Variants in MACF1 observed in about 807,000 individuals in gnomAD.
MACF1 encodes the protein microtubule actin crosslinking factor 1, also known as microtubule-actin cross-linking factor 1.
MACF1 carries 193 observed loss-of-function variants against 854.8 expected under a neutral mutation model. The observed-to-expected ratio is 0.23, with a 90% CI of 0.20 to 0.25. The LOEUF is 0.25. MACF1 is among the 10% of genes least tolerant of loss of function. MACF1 has a pLI of 1.00. For synonymous variants in MACF1, 3,185 were observed against 3,226.7 expected, an observed-to-expected ratio of 0.99 and a Z score of 0.44; for missense variants, 7,722 against 8,929.1, an observed-to-expected ratio of 0.86 and a Z score of 5.45.
chr1:39,135,229 G>T (rs916626442), intron 2 of MACF1, among the ~76,000 whole-genome samples: 14 of 152,044 alleles, frequency 9.2e-5, no homozygotes, highest in South Asian at 2.1e-4. Flanking sequence ...TTATTTTTGG[G>T]TTTTTTTGAC....
chr1:39,375,944 C>T (rs555892509), intron 52 of MACF1, among the ~76,000 whole-genome samples: 287 of 151,904 alleles, frequency 1.9e-3, no homozygotes, highest in Admixed American at 2.9e-3. Flanking sequence ...GAGAGCAAGT[C>T]GTGTTATATT....
chr1:39,469,649 C>CCCTA, intron 97 of MACF1, 34 bp downstream of exon 97: 1 of 1,497,112 alleles, frequency 6.7e-7, no homozygotes, highest in African/African-American at 1.4e-5. Context: ...CTTCCTCACA[C>CCCTA]CCTAGCCCAT....
chr1:39,196,608 T>G (rs1160947544), intron 2 of MACF1, among the ~76,000 whole-genome samples: 1 of 152,224 alleles, frequency 6.6e-6, no homozygotes, highest in Non-Finnish European at 1.5e-5. Flanking sequence ...CTTAGGTATA[T>G]TTATTGTATT....
At chr1:39,308,925 G>A (rs1646243705) in intron 23 of MACF1, among the ~76,000 whole-genome samples, 1 of 152,060 alleles carries the variant, frequency 6.6e-6, no homozygotes, top group Non-Finnish European at 1.5e-5. Flanking sequence ...CAAAGTGCTG[G>A]GATTACAGGT....
chr1:39,442,956 C>T (rs1453198550), intron 78 of MACF1, 45 bp downstream of exon 78: 1 of 1,562,168 alleles, frequency 6.4e-7, no homozygotes, highest in Admixed American at 1.8e-5. Context: ...ATACAGATAA[C>T]AGAAAGCCTA....
At chr1:39,229,722 TG>T (rs1000386250) in intron 1 of MACF1, among the ~76,000 whole-genome samples, 3 of 152,172 alleles carry the variant, frequency 2.0e-5, no homozygotes, top group Non-Finnish European at 4.4e-5. Context: ...TAGCATGGAC[TG>T]GGATAATCTT....
chr1:39,331,164 C>G lies in MACF1; in HGVS notation c.4615-39C>G, dbSNP rs1386478993. The G allele has an allele frequency of 2.1e-6, 3 of 1,449,682 alleles. No homozygotes were observed. In the East Asian group the frequency reaches 7.6e-5, roughly 36 times the overall value. The allele number at this position is 1,449,682 out of a possible 1,614,324, so 89.8% of individuals were successfully genotyped here. On this transcript the variant is annotated intron_variant, in intron 36 of 100. Coordinates refer to ENST00000564288, the MANE Select transcript of MACF1 (RefSeq NM_001394062.1). ...GCTCTGATTCAGTTTTCTTTTTCTT[C>G]TCTTTTCCTTTTTTTTTTTTTTTTT...
Position 39,387,835 on chromosome 1 carries a change from T to A in MACF1, c.14993T>A (p.Leu4998Gln). 6.2e-7 allele frequency: 1 copy of A among 1,614,116 alleles called. No homozygotes were observed. The highest frequency in any genetic ancestry group is 1.1e-5 in the South Asian group (1 of 91,076). The change falls in exon 58 of 101, where the codon CTG becomes CAG. Residue 4998 changes from leucine to glutamine, a missense_variant. Physicochemically the swap from Leu to Gln is moderately radical, Grantham distance 113 (BLOSUM62 -2). This residue lies in a region of MACF1 where 2,807 missense variants were observed against 3,235.8 expected (regional missense o/e 0.87). Coordinates refer to ENST00000564288, the MANE Select transcript of MACF1 (RefSeq NM_001394062.1). ...AACATGGATGCTGTTACAGAAGAGC[T>A]GCAGGCCAAAACAGGGTCACTCGAA... ...NQNMDAVTEE[L>Q]QAKTGSLEEM... is the part of the protein sequence containing the mutation.
At chr1:39,410,104 T>C (rs570899824) in intron 58 of MACF1, 5 of 523,930 alleles carry the variant, frequency 9.5e-6, no homozygotes, top group Non-Finnish European at 1.7e-5. Context: ...TCTCCCAGAA[T>C]GGTTTCAAAA....
At position 39,442,558 on chromosome 1, in the gene MACF1, A is replaced by G; in HGVS notation, c.19095A>G (p.Ala6365=). 6 of 1,614,148 alleles carry G rather than the reference A, an allele frequency of 3.7e-6. No homozygotes were observed. Among genetic ancestry groups the G allele is most frequent in the Non-Finnish European group, 5.1e-6 (6 of 1,180,032 alleles). ...GDPKVIEVEL[A]KHHVLKNDVL... is the part of the protein sequence containing the mutation. ...CAAAAGTCATTGAAGTTGAGCTCGC[A>G]AAGCACCATGTAAGTATTTTCATTT... Residue 6365 remains alanine, a synonymous_variant, in exon 77 of 101, where the codon GCA becomes GCG. Transcript: ENST00000564288.
At position 39,377,458 on chromosome 1, in the gene MACF1, A is replaced by G. The variant is rs187580108; in HGVS notation, c.13214-1003A>G. Among the ~76,000 whole-genome samples, 238 of 152,180 alleles carry G rather than the reference A, an allele frequency of 1.6e-3. 2 individuals are homozygous for G. Among genetic ancestry groups the G allele is most frequent in the Middle Eastern group, 6.8e-3 (2 of 294 alleles). ...TCATTACCTCACCTGATTTTTACCTATCTTGGGAAACTTCTGAAATATAAG... is the reference window on the plus strand; with the variant it reads ...TCATTACCTCACCTGATTTTTACCTGTCTTGGGAAACTTCTGAAATATAAG... On this transcript the variant is annotated intron_variant, in intron 52 of 100. Coordinates refer to ENST00000564288, the MANE Select transcript of MACF1 (RefSeq NM_001394062.1).
rs192927636 is a variant in MACF1 at position 39,231,909 on chromosome 1, T to G, written c.171+666T>G. ...AGAGGGGGATTTTCTCTCTTTCTCTTAAAGTGCATGAATCTTAAATGTTTA... is the reference window on the plus strand; with the variant it reads ...AGAGGGGGATTTTCTCTCTTTCTCTGAAAGTGCATGAATCTTAAATGTTTA... On this transcript the variant is annotated intron_variant, in intron 2 of 100. Transcript: ENST00000564288. Among the ~76,000 whole-genome samples, 303 of 151,896 alleles carry G rather than the reference T, an allele frequency of 2.0e-3. 2 individuals carry two copies. Among genetic ancestry groups the G allele is most frequent in the African/African-American group, 7.1e-3 (293 of 41,528 alleles).
intron 10 of MACF1, 53 bp downstream of exon 10, chr1:39,284,238 T>A: frequency 3.8e-6 from 6 of 1,596,870 alleles, no homozygotes; most frequent in Non-Finnish European, 5.1e-6. Flanking sequence ...GGAGTAAGTC[T>A]CCAAGCTTAT....
At chr1:39,347,715 A>G (rs1435707074) in intron 41 of MACF1, among the ~76,000 whole-genome samples, 1 of 152,172 alleles carries the variant, frequency 6.6e-6, no homozygotes, top group Non-Finnish European at 1.5e-5. Context: ...ATTTTATTAG[A>G]ATCGTATTAA....
chr1:39,268,768 C>T (rs1266566679), intron 6 of MACF1: 1 of 1,289,534 alleles, frequency 7.8e-7, no homozygotes, highest in African/African-American at 1.5e-5. Flanking sequence ...GCTCCCATAT[C>T]TCCTAAGAAA....
Position 39,232,737 on chromosome 1 carries a change from ACT to A in MACF1, c.171+1499_171+1500del, listed in dbSNP as rs201515868. 6.9e-3 allele frequency among the ~76,000 whole-genome samples: 781 copies of A among 113,384 alleles called. 11 individuals are homozygous for A. Among genetic ancestry groups the A allele is most frequent in the African/African-American group, 0.021 (659 of 30,724 alleles). 74.4% of individuals were successfully genotyped at this position (113,384 alleles called of 152,430 possible). ...ACAGTTATCAGAAAACTACTCTCAT[ACT>A]CTCTTTGTTTTTTTTTTTTTTTTTT... On this transcript the variant is annotated intron_variant, in intron 2 of 100. Coordinates refer to ENST00000564288, the MANE Select transcript of MACF1 (RefSeq NM_001394062.1).
rs749323958 is a variant in MACF1, at chr1:39,481,024, C to T, written c.22275C>T (p.Thr7425=). Residue 7425 remains threonine, a synonymous_variant, in exon 99 of 101, where the codon ACC becomes ACT. Coordinates refer to ENST00000564288, the MANE Select transcript of MACF1 (RefSeq NM_001394062.1). ...DSHSPDLQLP[T]PEVIPSSGSK... ...ATTCTCCTGACCTCCAGCTGCCCAC[C>T]CCCGAGGTAGAGTATGGCTTTGCTG... 7.2e-5 allele frequency: 112 copies of T among 1,548,414 alleles called. No homozygotes were observed. In the South Asian group the frequency reaches 1.2e-3, roughly 17 times the overall value.
chr1:39,309,724 T>TA, intron 24 of MACF1, 28 bp downstream of exon 24: 1 of 1,594,996 alleles, frequency 6.3e-7, no homozygotes, highest in Non-Finnish European at 8.5e-7. Flanking sequence ...ACCCCAGGCT[T>TA]ACATTCCATT....
At chr1:39,301,335 C>A (rs1646035621) in intron 22 of MACF1, among the ~76,000 whole-genome samples, 1 of 152,006 alleles carries the variant, frequency 6.6e-6, no homozygotes, top group Admixed American at 6.6e-5. Context: ...ACTGTGTTAG[C>A]CAGGATGGTC....
Sources: allele counts gnomAD v4.1 joint callset (sites outside exome capture counted in the v4.1 genomes callset), GRCh38; gene constraint gnomAD v4.1.1; regional missense constraint gnomAD v4.1.1; transcripts MANE v1.5; gene names NCBI Gene and HGNC (gene_info 2026-07-23, HGNC 2026-07-21).